The following RBMS3 variants were observed in gnomAD, a reference collection of about 807,000 sequenced individuals.
The protein encoded by RBMS3 is RNA binding motif single stranded interacting protein 3, also known as RNA-binding motif, single-stranded-interacting protein 3.
In RBMS3, 27 loss-of-function variants were observed where a neutral mutation model predicts 66.8. That is an observed-to-expected ratio of 0.40 (90% confidence interval 0.30 to 0.56). The LOEUF is 0.56. Among genes scored for constraint, RBMS3 ranks in the 20% least tolerant of loss-of-function variants. The pLI, the probability that RBMS3 is intolerant of heterozygous loss-of-function variation, is 0.40. For synonymous variants in RBMS3, 188 were observed against 183.0 expected (o/e 1.03, Z -0.22); for missense variants, 513 against 549.5 (o/e 0.93, Z 0.66).
At chr3:29,446,775 A>G (rs1210863968) in intron 2 of RBMS3, among the ~76,000 whole-genome samples, 1 of 152,174 alleles carries the variant, frequency 6.6e-6, no homozygotes, top group African/African-American at 2.4e-5. Flanking sequence ...ATATTCTGAT[A>G]TCACTTGGAT....
intron 14 of RBMS3, among the ~76,000 whole-genome samples, chr3:30,000,659 A>C (rs1699557908): frequency 6.6e-6 from 1 of 152,198 alleles, no homozygotes; most frequent in Admixed American, 6.5e-5. Context: ...TTAATGATAG[A>C]CTTGATAAAG....
intron 4 of RBMS3, among the ~76,000 whole-genome samples, chr3:29,648,416 G>T (rs1400484931): frequency 6.6e-6 from 1 of 151,494 alleles, no homozygotes; most frequent in Non-Finnish European, 1.5e-5. Context: ...GGGACTACAG[G>T]TGTGCGCCAC....
At chr3:29,744,580 G>C (rs541244871) in intron 5 of RBMS3, among the ~76,000 whole-genome samples, 12 of 152,098 alleles carry the variant, frequency 7.9e-5, no homozygotes, top group Admixed American at 7.9e-4. Flanking sequence ...TCAGGAGTTC[G>C]AGGCCAGCCT....
chr3:29,671,296 A>G (rs2050990265), intron 4 of RBMS3, among the ~76,000 whole-genome samples: 1 of 152,214 alleles, frequency 6.6e-6, no homozygotes, highest in African/African-American at 2.4e-5. Flanking sequence ...TCAAAGACCA[A>G]AGGTAGCTAA....
At chr3:29,367,274 AT>A (rs1409092301) in intron 1 of RBMS3, among the ~76,000 whole-genome samples, 11 of 152,168 alleles carry the variant, frequency 7.2e-5, no homozygotes, top group Non-Finnish European at 2.9e-5. Context: ...GTATTCAGTT[AT>A]TTTACATATC....
At chr3:29,972,125 C>T in intron 12 of RBMS3, among the ~76,000 whole-genome samples, 1 of 151,990 alleles carries the variant, frequency 6.6e-6, no homozygotes, top group East Asian at 1.9e-4. Flanking sequence ...ATTCCTTTGG[C>T]AAGGAGTGGA....
intron 6 of RBMS3, chr3:29,765,843 G>A (rs1330915652): frequency 6.5e-6 from 1 of 154,156 alleles, no homozygotes; most frequent in Admixed American, 6.6e-5. Flanking sequence ...CGTGGCTGAG[G>A]AGGCCTCACA....
chr3:29,281,787 C>G, intron 1 of RBMS3, 31 bp downstream of exon 1: 1 of 1,570,510 alleles, frequency 6.4e-7, no homozygotes, highest in Middle Eastern at 1.7e-4. Flanking sequence ...TGGCGATCAG[C>G]GTGGTATCGT....
chr3:29,302,153 GTGCA>G (rs1312424993), intron 1 of RBMS3, among the ~76,000 whole-genome samples: 1 of 151,848 alleles, frequency 6.6e-6, no homozygotes, highest in Non-Finnish European at 1.5e-5. Context: ...GGGACTACAG[GTGCA>G]TGCCACCACA....
rs1484140771 is a variant in RBMS3, at chr3:30,005,502, TC to T, written c.*1641del. 5 of 151,828 alleles carry T rather than the reference TC, an allele frequency of 3.3e-5. No individual in the cohort carries two copies. The highest frequency in any genetic ancestry group is 1.2e-4 in the African/African-American group (5 of 41,402). The allele number at this position is 151,828 out of a possible 1,614,324, so 9.4% of individuals were successfully genotyped here. A position where few individuals can be genotyped will look rare whatever the true frequency, so the allele number is the denominator to read the frequency against. ...TGGACCTGGTCTGAAAGGTCATTTGTCAAAAAAGCTTAGGGATATTCTGTGA... is the reference window on the plus strand; with the variant it reads ...TGGACCTGGTCTGAAAGGTCATTTGTAAAAAAGCTTAGGGATATTCTGTGA... On this transcript the variant is annotated 3_prime_UTR_variant, in exon 15 of 15. Coordinates refer to ENST00000383767, the MANE Select transcript of RBMS3 (RefSeq NM_001003793.3).
intron 1 of RBMS3, among the ~76,000 whole-genome samples, chr3:29,362,285 A>G (rs906630060): frequency 2.6e-5 from 4 of 152,156 alleles, no homozygotes; most frequent in Non-Finnish European, 4.4e-5. Context: ...CCTCAGCTGC[A>G]GGTCTGTTGG....
rs959490533 is a variant in RBMS3 at position 30,006,156 on chromosome 3, A to G, written c.*2294A>G. The stretch of plus-strand genomic sequence containing the variant: ...TAAGTCAGTCACAGGAGCCTGTCTT[A>G]GTCCAAAAGAAGCAGGGAAATGTAT... On this transcript the variant is annotated 3_prime_UTR_variant, in exon 15 of 15. Transcript: ENST00000383767. 2.6e-5 allele frequency: 4 copies of G among 151,950 alleles called. No individual in the cohort carries two copies. Among genetic ancestry groups the G allele is most frequent in the African/African-American group, 9.7e-5 (4 of 41,438 alleles). 9.4% of individuals were successfully genotyped at this position (151,950 alleles called of 1,614,324 possible). A position where few individuals can be genotyped will look rare whatever the true frequency, so the allele number is the denominator to read the frequency against.
chr3:29,464,628 T>C (rs980892592), intron 2 of RBMS3, among the ~76,000 whole-genome samples: 6 of 152,208 alleles, frequency 3.9e-5, no homozygotes, highest in African/African-American at 1.4e-4. Flanking sequence ...CAAAGAAATA[T>C]TTGGCAGAGG....
chr3:29,890,121 A>G (rs914642596), intron 8 of RBMS3, among the ~76,000 whole-genome samples: 1 of 151,700 alleles, frequency 6.6e-6, no homozygotes, highest in Non-Finnish European at 1.5e-5. Context: ...ATACTTCTTT[A>G]TAGAAATTAT....
chr3:29,979,917 G>T (rs144552504), intron 12 of RBMS3, among the ~76,000 whole-genome samples: 3,764 of 152,318 alleles, frequency 0.025, 61 homozygotes, highest in Admixed American at 0.037. Context: ...TGTCTTTACA[G>T]TAGAAAGATT....
chr3:29,431,512 T>C (rs900918853), intron 1 of RBMS3, among the ~76,000 whole-genome samples: 8 of 151,862 alleles, frequency 5.3e-5, no homozygotes, highest in African/African-American at 1.9e-4. Flanking sequence ...AGGATGGTCT[T>C]GATCTCCCGA....
rs200250735 is a variant in RBMS3, at chr3:29,493,581, ATAT to A, written c.307+5098_307+5100del. On this transcript the variant is annotated intron_variant, in intron 3 of 14. Coordinates refer to ENST00000383767, the MANE Select transcript of RBMS3 (RefSeq NM_001003793.3). The stretch of plus-strand genomic sequence containing the variant: ...TTAACATGGTGGGCTTATGGGTGAT[ATAT>A]TATTATTATTATTATCTTAACATTT... Among the ~76,000 whole-genome samples, 263 of 152,140 alleles carry A rather than the reference ATAT, an allele frequency of 1.7e-3. 1 individual carries two copies. Among genetic ancestry groups the A allele is most frequent in the African/African-American group, 6.1e-3 (252 of 41,530 alleles).
intron 1 of RBMS3, among the ~76,000 whole-genome samples, chr3:29,326,996 C>T (rs778155002): frequency 6.6e-6 from 1 of 152,110 alleles, no homozygotes; most frequent in Non-Finnish European, 1.5e-5. Context: ...TCCCAAAGTG[C>T]TGGGATTACA....
chr3:29,510,169 G>A (rs1480197892), intron 3 of RBMS3, among the ~76,000 whole-genome samples: 1 of 152,174 alleles, frequency 6.6e-6, no homozygotes, highest in Admixed American at 6.5e-5. Context: ...AAACCTGTAT[G>A]TGACTTGTTA....
Sources: gnomAD v4.1 joint callset for allele counts (sites outside exome capture counted in the v4.1 genomes callset) on GRCh38, gnomAD v4.1.1 for gene constraint, MANE v1.5 for transcripts, NCBI Gene and HGNC (gene_info 2026-07-23, HGNC 2026-07-21) for gene names.